The following SSBP2 variants were observed in gnomAD, a reference collection of about 807,000 sequenced individuals.
SSBP2 encodes single-stranded DNA-binding protein 2.
Under a neutral mutation model 61.8 loss-of-function variants are expected in SSBP2, and 17 were observed. The ratio of observed to expected loss-of-function variants is 0.28; its 90% CI spans 0.19 to 0.41. The LOEUF (loss-of-function observed/expected upper bound fraction) is 0.41, where lower values mean the gene tolerates loss of function less well. Among genes scored for constraint, SSBP2 ranks in the 10% least tolerant of loss-of-function variants. The probability of loss-of-function intolerance (pLI) is 1.00; values close to 1 mark genes in which losing one functional copy is unlikely to be tolerated. For synonymous variants in SSBP2, 139 were observed against 141.3 expected (o/e 0.98, Z 0.12); for missense variants, 310 against 458.7 (o/e 0.68, Z 2.96).
intron 3 of SSBP2, among the ~76,000 whole-genome samples, chr5:81,617,093 C>G (rs1244087968): frequency 1.2e-5 from 1 of 82,396 alleles, no homozygotes; most frequent in African/African-American, 5.0e-5. Flanking sequence ...CAGAACAAAG[C>G]TGGATGGAGA....
chr5:81,600,966 T>C (rs1258209421), intron 4 of SSBP2, among the ~76,000 whole-genome samples: 1 of 152,194 alleles, frequency 6.6e-6, no homozygotes, highest in Non-Finnish European at 1.5e-5. Context: ...ATTTAGGGTA[T>C]ACTCTTACAT....
At chr5:81,543,979 A>T (rs1771511403) in intron 4 of SSBP2, among the ~76,000 whole-genome samples, 1 of 152,188 alleles carries the variant, frequency 6.6e-6, no homozygotes, top group East Asian at 1.9e-4. Context: ...TATATGCTCA[A>T]ACACTGACAC....
At position 81,513,494 on chromosome 5, in the gene SSBP2, G is replaced by T. The variant is rs1580884103; in HGVS notation, c.372+134C>A. On this transcript the variant is annotated intron_variant, in intron 5 of 16. Transcript: ENST00000320672. ...AAGGGATATAATAGATAACCCATCT[G>T]AATAATCAAGAGTTGGCTACACATT... 16 of 566,114 alleles carry T rather than the reference G, an allele frequency of 2.8e-5. No individual in the cohort carries two copies. In the East Asian group the frequency reaches 4.7e-4, roughly 17 times the overall value. The allele number at this position is 566,114 out of a possible 1,614,324, so 35.1% of individuals were successfully genotyped here.
chr5:81,424,465 G>T (rs1409073632), intron 16 of SSBP2, among the ~76,000 whole-genome samples: 1 of 151,788 alleles, frequency 6.6e-6, no homozygotes, highest in Non-Finnish European at 1.5e-5. Context: ...AGAAAGAAAA[G>T]AAAAAGGAGC....
At chr5:81,667,926 T>G (rs908240271) in intron 1 of SSBP2, among the ~76,000 whole-genome samples, 1 of 152,158 alleles carries the variant, frequency 6.6e-6, no homozygotes. Flanking sequence ...GGTTGACTTA[T>G]AGAATTCAAC....
intron 4 of SSBP2, among the ~76,000 whole-genome samples, chr5:81,571,073 T>A (rs1345847031): frequency 6.6e-6 from 1 of 152,172 alleles, no homozygotes; most frequent in Admixed American, 6.5e-5. Flanking sequence ...ATATGACAGG[T>A]TAGAGGAATT....
intron 1 of SSBP2, among the ~76,000 whole-genome samples, chr5:81,673,006 T>A (rs1581310756): frequency 6.6e-6 from 1 of 152,120 alleles, no homozygotes; most frequent in South Asian, 2.1e-4. Flanking sequence ...GATGGCTAAT[T>A]TTTGTATTTT....
In SSBP2 at chr5:81,678,933, CTG is replaced by C. The variant is rs564827084; in HGVS notation, c.63-28596_63-28595del. On this transcript the variant is annotated intron_variant, in intron 1 of 16. Coordinates refer to ENST00000320672, the MANE Select transcript of SSBP2 (RefSeq NM_012446.5). ...TTTTCAGAGATAAAGAAATTAACATCTGTCAGACTTGGGTCTACATTTTTAAA... is the reference window on the plus strand; with the variant it reads ...TTTTCAGAGATAAAGAAATTAACATCTCAGACTTGGGTCTACATTTTTAAA... Among the ~76,000 whole-genome samples, 3 of 152,270 alleles carry C rather than the reference CTG, an allele frequency of 2.0e-5. No homozygotes were observed. In the East Asian group the frequency reaches 5.8e-4, roughly 29 times the overall value.
intron 4 of SSBP2, among the ~76,000 whole-genome samples, chr5:81,532,177 A>T (rs1770466007): frequency 6.6e-6 from 1 of 152,138 alleles, no homozygotes; most frequent in South Asian, 2.1e-4. Flanking sequence ...GATGAAAAAA[A>T]TGTTCCTTAG....
chr5:81,738,601 T>C (rs60475321), intron 1 of SSBP2, among the ~76,000 whole-genome samples: 14,999 of 152,176 alleles, frequency 0.099, 823 homozygotes, highest in Middle Eastern at 0.2. Context: ...TCCTCCTGTA[T>C]CCCAAAGTCT....
intron 1 of SSBP2, among the ~76,000 whole-genome samples, chr5:81,663,768 T>G (rs1750890855): frequency 6.6e-6 from 1 of 152,194 alleles, no homozygotes; most frequent in Admixed American, 6.5e-5. Flanking sequence ...AACCTATCCT[T>G]TTAATATTCA....
chr5:81,524,258 C>T (rs1561499610), intron 4 of SSBP2, among the ~76,000 whole-genome samples: 1 of 152,028 alleles, frequency 6.6e-6, no homozygotes, highest in Non-Finnish European at 1.5e-5. Context: ...CTGATTCCTA[C>T]AACTACAAGA....
At chr5:81,515,586 A>C (rs971228565) in intron 4 of SSBP2, among the ~76,000 whole-genome samples, 2 of 151,932 alleles carry the variant, frequency 1.3e-5, no homozygotes, top group Admixed American at 1.3e-4. Context: ...AGGAATAGGC[A>C]TTTGTATTCA....
chr5:81,552,304 T>A (rs1772257089), intron 4 of SSBP2, among the ~76,000 whole-genome samples: 1 of 152,144 alleles, frequency 6.6e-6, no homozygotes, highest in East Asian at 1.9e-4. Flanking sequence ...TATTTAATTA[T>A]CATCGGAAAC....
intron 11 of SSBP2, among the ~76,000 whole-genome samples, chr5:81,447,335 A>G (rs1554065979): frequency 1.3e-5 from 2 of 152,178 alleles, no homozygotes; most frequent in Non-Finnish European, 2.9e-5. Context: ...ATTGATTCAT[A>G]TTTTAAAAAA....
At chr5:81,457,506 G>T (rs1764241439) in intron 10 of SSBP2, among the ~76,000 whole-genome samples, 1 of 152,108 alleles carries the variant, frequency 6.6e-6, no homozygotes. Flanking sequence ...TACATTCAAA[G>T]TAAGTCTCTA....
intron 1 of SSBP2, among the ~76,000 whole-genome samples, chr5:81,726,307 G>C (rs1378046179): frequency 1.3e-5 from 2 of 152,212 alleles, no homozygotes; most frequent in South Asian, 4.2e-4. Flanking sequence ...TTGGGAGGAG[G>C]GGGTATTCCT....
chr5:81,658,369 T>A (rs1750407124), intron 1 of SSBP2, among the ~76,000 whole-genome samples: 1 of 151,980 alleles, frequency 6.6e-6, no homozygotes, highest in African/African-American at 2.4e-5. Context: ...TCCCCCAGTA[T>A]CCACGGGGAT....
At chr5:81,473,844 CCTGGGTGTTA>C in intron 7 of SSBP2, 74 bp from the exon 8 acceptor site, 1 of 1,348,044 alleles carries the variant, frequency 7.4e-7, no homozygotes, top group Non-Finnish European at 1.1e-6. Flanking sequence ...CTTCCTCCCT[CCTGGGTGTTA>C]CTGTCTCATT....
Sources: allele counts gnomAD v4.1 joint callset (sites outside exome capture counted in the v4.1 genomes callset), GRCh38; gene constraint gnomAD v4.1.1; transcripts MANE v1.5; gene names NCBI Gene and HGNC (gene_info 2026-07-23, HGNC 2026-07-21).